CCND3: variants seen among roughly 807,000 people sequenced by gnomAD.
The protein encoded by CCND3 is cyclin D3, also known as G1/S-specific cyclin-D3.
A neutral mutation model predicts 28.7 loss-of-function variants in CCND3; 9 were observed. The ratio of observed to expected loss-of-function variants is 0.31; its 90% CI spans 0.19 to 0.55. CCND3 has a LOEUF of 0.55. Ranked by LOEUF, CCND3 falls within the 20% of genes least tolerant of loss-of-function variation. The pLI, the probability that CCND3 is intolerant of heterozygous loss-of-function variation, is 0.93. For missense variants in CCND3, 315 were observed against 385.8 expected (o/e 0.82, Z 1.54); for synonymous variants, 164 against 163.9 (o/e 1.00, Z 0.00).
At chr6:41,976,235 C>T (rs1762180289) in intron 1 of CCND3, among the ~76,000 whole-genome samples, 2 of 151,032 alleles carry the variant, frequency 1.3e-5, no homozygotes, top group African/African-American at 4.9e-5. Context: ...ACCTGTAGTC[C>T]CAGCTACTCA....
At chr6:42,000,263 GGA>G (rs1561980702) in intron 1 of CCND3, among the ~76,000 whole-genome samples, 1 of 84,980 alleles carries the variant, frequency 1.2e-5, no homozygotes, top group East Asian at 3.6e-4. Context: ...TTTTTTTTTG[GGA>G]CAGAGTCTCT....
intron 1 of CCND3, among the ~76,000 whole-genome samples, chr6:41,992,866 A>T (rs1762696017): frequency 6.6e-6 from 1 of 151,916 alleles, no homozygotes; most frequent in Admixed American, 6.6e-5. Flanking sequence ...TCAGCCTCCC[A>T]AAGTGCTGAG....
At chr6:41,982,115 CA>C (rs1762364163) in intron 1 of CCND3, among the ~76,000 whole-genome samples, 1 of 151,258 alleles carries the variant, frequency 6.6e-6, no homozygotes, top group East Asian at 2.0e-4. Flanking sequence ...ACTAAAAATA[CA>C]AAAATTAGCT....
At chr6:42,019,958 T>C (rs987196700) in intron 1 of CCND3, among the ~76,000 whole-genome samples, 6 of 152,168 alleles carry the variant, frequency 3.9e-5, no homozygotes, top group Non-Finnish European at 8.8e-5. Context: ...ATTGTCCAAA[T>C]TCCTAAAAAT....
upstream of CCND3, among the ~76,000 whole-genome samples, chr6:41,945,262 C>A (rs564844667): frequency 7.2e-5 from 11 of 152,184 alleles, no homozygotes; most frequent in Non-Finnish European, 1.2e-4. Context: ...GCCTGTAATC[C>A]CAGCACTTTG....
intron 1 of CCND3, among the ~76,000 whole-genome samples, chr6:41,961,363 T>C (rs1419133748): frequency 6.6e-6 from 1 of 151,988 alleles, no homozygotes; most frequent in East Asian, 1.9e-4. Context: ...GGTCAGCAGT[T>C]TGAGACCAGC....
In CCND3 at chr6:42,048,966, G is replaced by A; in HGVS notation, c.-511C>T. ...GGGCAGCACGGGTTCCCGGACCGCT[G>A]CCTCCCGGCGTTGGCAACTCCTCCA... On this transcript the variant is annotated 5_prime_UTR_variant, in exon 1 of 5. Transcript: ENST00000372988. This position sits in a 1 kb window ranked among gnomAD's most constrained non-coding sequence, Gnocchi z 4.7. The A allele has an allele frequency of 5.0e-6, 1 of 198,210 alleles. No homozygotes were observed. The highest frequency in any genetic ancestry group is 1.0e-5 in the Non-Finnish European group (1 of 99,668). 12.3% of individuals were successfully genotyped at this position (198,210 alleles called of 1,614,324 possible).
rs1043385294 is a variant in CCND3, at chr6:41,941,730, G to C, written c.-81C>G. Reference sequence around the variant, plus strand: ...CGACGGGCCGGAGAGCGCGGGGCGCGGGTCTGGCGCTGGCGCTGGCACTGC... The same window carrying C: ...CGACGGGCCGGAGAGCGCGGGGCGCCGGTCTGGCGCTGGCGCTGGCACTGC... On this transcript the variant is annotated 5_prime_UTR_variant, in exon 1 of 5. Transcript: ENST00000372991. The surrounding 1 kb of genome is among the most constrained non-coding windows in gnomAD (Gnocchi z 6.1). The C allele has an allele frequency of 5.6e-6, 6 of 1,071,982 alleles. No individual in the cohort carries two copies. The highest frequency in any genetic ancestry group is 4.3e-5 in the Admixed American group (1 of 23,326). The allele number at this position is 1,071,982 out of a possible 1,614,324, so 66.4% of individuals were successfully genotyped here. A position where few individuals can be genotyped will look rare whatever the true frequency, so the allele number is the denominator to read the frequency against.
intron 1 of CCND3, among the ~76,000 whole-genome samples, chr6:41,951,711 T>C (rs1477368745): frequency 6.6e-6 from 1 of 151,856 alleles, no homozygotes; most frequent in Non-Finnish European, 1.5e-5. Context: ...AGAGCAATAA[T>C]AGTAATAATA....
intron 1 of CCND3, 100 bp from the exon 2 acceptor site, chr6:41,940,685 G>T: frequency 1.2e-6 from 1 of 854,370 alleles, no homozygotes; most frequent in Non-Finnish European, 2.0e-6. Context: ...GAGCAAAAAC[G>T]GCAGAGAGGG....
chr6:41,993,587 T>C (rs1309187785), intron 1 of CCND3, among the ~76,000 whole-genome samples: 1 of 151,868 alleles, frequency 6.6e-6, no homozygotes, highest in African/African-American at 2.4e-5. Context: ...ATTTCTGTAT[T>C]TTCAATACAG....
Position 41,936,505 on chromosome 6 carries a change from G to GCATA in CCND3, c.711+50_711+53dup. The GCATA allele has an allele frequency of 6.2e-7, 1 of 1,600,982 alleles. No homozygotes were observed. Among genetic ancestry groups the GCATA allele is most frequent in the Non-Finnish European group, 8.5e-7 (1 of 1,171,122 alleles). On this transcript the variant is annotated intron_variant, in intron 4 of 4. Transcript: ENST00000372991. This position sits in a 1 kb window ranked among gnomAD's most constrained non-coding sequence, Gnocchi z 4.4. ...GGTTTCCCTCTACTGGAGGCTCAGG[G>GCATA]CATAGCACTACTTTATGAATGGAGA...
intron 1 of CCND3, among the ~76,000 whole-genome samples, chr6:42,005,540 CAAAAAAA>C (rs58659355): frequency 3.2e-5 from 2 of 62,846 alleles, no homozygotes. Context: ...GACCCTGTCT[CAAAAAAA>C]AAAAAAAAAA....
chr6:41,987,640 C>G (rs1313303479), intron 1 of CCND3, among the ~76,000 whole-genome samples: 1 of 150,680 alleles, frequency 6.6e-6, no homozygotes, highest in African/African-American at 2.4e-5. Flanking sequence ...GTAGCTGGGA[C>G]TACAGGTGTG....
intron 1 of CCND3, among the ~76,000 whole-genome samples, chr6:41,990,055 G>GA (rs1762604299): frequency 6.6e-6 from 1 of 152,016 alleles, no homozygotes; most frequent in Non-Finnish European, 1.5e-5. Flanking sequence ...CCTATACATA[G>GA]AAAAAGCTAA....
chr6:42,001,854 C>G (rs1403509779), intron 1 of CCND3, among the ~76,000 whole-genome samples: 1 of 152,112 alleles, frequency 6.6e-6, no homozygotes, highest in African/African-American at 2.4e-5. Context: ...GTAGCTCATG[C>G]CTATAATCCC....
chr6:41,989,386 TG>T (rs1314236961), intron 1 of CCND3, among the ~76,000 whole-genome samples: 3 of 134,412 alleles, frequency 2.2e-5, no homozygotes. Context: ...ACCTGGGAGA[TG>T]GAGGTTGCAG....
In CCND3 at chr6:42,023,301, G is replaced by A. The variant is rs76010090; in HGVS notation, c.-46+25200C>T. ...CCGAGCCTAGGGCTGACGTGCTGGCGAATGTTTCTAAGTACAAGATGACTG... is the reference window on the plus strand; with the variant it reads ...CCGAGCCTAGGGCTGACGTGCTGGCAAATGTTTCTAAGTACAAGATGACTG... On this transcript the variant is annotated intron_variant, in intron 1 of 4. Coordinates refer to the CCND3 transcript ENST00000372988. Among the ~76,000 whole-genome samples the A allele has an allele frequency of 8.5e-3, 1,300 of 152,306 alleles. 18 individuals carry two copies. The highest frequency in any genetic ancestry group is 0.029 in the African/African-American group (1,225 of 41,560).
chr6:41,993,385 A>C (rs4714533), intron 1 of CCND3, among the ~76,000 whole-genome samples: 146,185 of 149,144 alleles, frequency 0.98, 71,704 homozygotes, highest in East Asian at 1. Flanking sequence ...CCCATATATC[A>C]ATATATTTGT....
Sources: gnomAD v4.1 joint callset for allele counts (sites outside exome capture counted in the v4.1 genomes callset) on GRCh38, gnomAD v4.1.1 for gene constraint, Gnocchi (gnomAD v3.1) non-coding constraint, MANE v1.5 for transcripts, NCBI Gene and HGNC (gene_info 2026-07-23, HGNC 2026-07-21) for gene names.